PDLIM5: variants seen among roughly 807,000 people sequenced by gnomAD.
The protein encoded by PDLIM5 is PDZ and LIM domain protein 5.
Under a neutral mutation model 64.2 loss-of-function variants are expected in PDLIM5, and 34 were observed. The observed-to-expected ratio is 0.53, with a 90% CI of 0.40 to 0.71. The LOEUF (loss-of-function observed/expected upper bound fraction) is 0.71, where lower values mean the gene tolerates loss of function less well. Ranked by LOEUF, PDLIM5 falls within the 30% of genes least tolerant of loss-of-function variation. The pLI, the probability that PDLIM5 is intolerant of heterozygous loss-of-function variation, is 0.00. For missense variants in PDLIM5, 683 were observed against 733.6 expected (o/e 0.93, Z 0.80); for synonymous variants, 253 against 269.1 (o/e 0.94, Z 0.59).
At chr4:94,518,129 A>G (rs1244425083) in intron 2 of PDLIM5, among the ~76,000 whole-genome samples, 5 of 152,218 alleles carry the variant, frequency 3.3e-5, no homozygotes, top group African/African-American at 1.2e-4. Context: ...TTTTATGGAA[A>G]AGCTTAGGGC....
chr4:94,596,760 C>T (rs964337112), intron 7 of PDLIM5, among the ~76,000 whole-genome samples: 1 of 119,712 alleles, frequency 8.4e-6, no homozygotes, highest in African/African-American at 2.7e-5. Context: ...GAAAATTGAA[C>T]CAATATATTA....
chr4:94,611,208 G>A (rs1476859537), intron 7 of PDLIM5: 2 of 1,533,076 alleles, frequency 1.3e-6, no homozygotes, highest in Non-Finnish European at 1.7e-6. Flanking sequence ...AAGGTACTGT[G>A]GGAGCAGATA....
intron 8 of PDLIM5, among the ~76,000 whole-genome samples, chr4:94,623,604 G>T (rs1378284261): frequency 2.0e-5 from 3 of 151,042 alleles, no homozygotes; most frequent in African/African-American, 7.3e-5. Flanking sequence ...CAGGGACCAA[G>T]TCATACTGAT....
At chr4:94,455,599 T>C (rs775511931) in intron 2 of PDLIM5, 58 of 641,680 alleles carry the variant, frequency 9.0e-5, no homozygotes, top group Non-Finnish European at 1.5e-4. Flanking sequence ...TTCCCCCATG[T>C]TATCAATAAT....
intron 2 of PDLIM5, among the ~76,000 whole-genome samples, chr4:94,519,778 T>C (rs2438143): frequency 0.22 from 32,725 of 152,114 alleles, 3,751 homozygotes; most frequent in East Asian, 0.28. Flanking sequence ...AAAAAATTTA[T>C]CTTTGGGTCT....
chr4:94,552,428 C>A (rs866613007), intron 3 of PDLIM5, among the ~76,000 whole-genome samples: 2 of 151,962 alleles, frequency 1.3e-5, no homozygotes, highest in Non-Finnish European at 2.9e-5. Context: ...TCAAAGCTTG[C>A]ATTATGAAAG....
chr4:94,557,421 A>C (rs1401528052), intron 3 of PDLIM5, among the ~76,000 whole-genome samples: 1 of 152,198 alleles, frequency 6.6e-6, no homozygotes, highest in Admixed American at 6.5e-5. Flanking sequence ...ACTTTAAAGT[A>C]GTTTTTTCCA....
chr4:94,467,073 C>T (rs1194305488), intron 2 of PDLIM5, among the ~76,000 whole-genome samples: 1 of 152,146 alleles, frequency 6.6e-6, no homozygotes, highest in South Asian at 2.1e-4. Flanking sequence ...GATTTCACAG[C>T]AGTACAGTTT....
chr4:94,542,917 A>G (rs557039264), intron 3 of PDLIM5, among the ~76,000 whole-genome samples: 2 of 152,308 alleles, frequency 1.3e-5, no homozygotes, highest in South Asian at 4.2e-4. Context: ...CTGGGGCACT[A>G]AATACATTTT....
At chr4:94,490,475 T>C (rs1383333947) in intron 2 of PDLIM5, among the ~76,000 whole-genome samples, 1 of 152,164 alleles carries the variant, frequency 6.6e-6, no homozygotes, top group Non-Finnish European at 1.5e-5. Context: ...TTACTGATTA[T>C]ATCCTTCCAT....
At chr4:94,564,673 T>TTTTTTTTTTTTTTTTTG (rs1195951922) in intron 3 of PDLIM5, among the ~76,000 whole-genome samples, 5 of 144,860 alleles carry the variant, frequency 3.5e-5, no homozygotes, top group African/African-American at 1.4e-4. Context: ...TTTTTTTTTT[T>TTTTTTTTTTTTTTTTTG]TTGACAGAGT....
At chr4:94,594,585 A>G (rs1736918836) in intron 7 of PDLIM5, among the ~76,000 whole-genome samples, 1 of 152,058 alleles carries the variant, frequency 6.6e-6, no homozygotes, top group Non-Finnish European at 1.5e-5. Flanking sequence ...TTTAGAGATA[A>G]TTATGTTATA....
intron 9 of PDLIM5, among the ~76,000 whole-genome samples, chr4:94,646,877 A>G (rs1037063286): frequency 2.6e-5 from 4 of 152,102 alleles, no homozygotes; most frequent in African/African-American, 4.8e-5. Context: ...TAAATTCATC[A>G]CTACTAATCT....
chr4:94,457,108 G>C, intron 2 of PDLIM5: 1 of 889,100 alleles, frequency 1.1e-6, no homozygotes, highest in Non-Finnish European at 1.3e-6. Context: ...TCTTGTATGT[G>C]TATCCAACTT....
intron 8 of PDLIM5, among the ~76,000 whole-genome samples, chr4:94,629,438 A>G (rs1307519396): frequency 6.6e-6 from 1 of 152,176 alleles, no homozygotes; most frequent in Non-Finnish European, 1.5e-5. Flanking sequence ...AAGATCTCAT[A>G]TCTTTATCTT....
chr4:94,564,597 G>C (rs1424564985), intron 3 of PDLIM5, among the ~76,000 whole-genome samples: 1 of 150,168 alleles, frequency 6.7e-6, no homozygotes, highest in African/African-American at 2.5e-5. Flanking sequence ...GAAATATTTT[G>C]CTTGTTAGTC....
chr4:94,599,952 G>A (rs757818817), intron 7 of PDLIM5, among the ~76,000 whole-genome samples: 1 of 152,134 alleles, frequency 6.6e-6, no homozygotes, highest in African/African-American at 2.4e-5. Flanking sequence ...AACAGTAATG[G>A]GTTTGTGAGG....
intron 2 of PDLIM5, among the ~76,000 whole-genome samples, chr4:94,503,712 G>A (rs1260457989): frequency 6.6e-6 from 1 of 152,148 alleles, no homozygotes; most frequent in Non-Finnish European, 1.5e-5. Context: ...TGATACCTCA[G>A]ACTTTTTTCT....
At chr4:94,477,130 G>A (rs571884986) in intron 2 of PDLIM5, among the ~76,000 whole-genome samples, 56 of 152,148 alleles carry the variant, frequency 3.7e-4, no homozygotes, top group Non-Finnish European at 6.9e-4. Flanking sequence ...AGGAGATGAG[G>A]TGAGGGAAGA....
Sources: gnomAD v4.1 joint callset for allele counts (sites outside exome capture counted in the v4.1 genomes callset) on GRCh38, gnomAD v4.1.1 for gene constraint, MANE v1.5 for transcripts, NCBI Gene and HGNC (gene_info 2026-07-23, HGNC 2026-07-21) for gene names.